EPS15L1: variants seen among roughly 807,000 people sequenced by gnomAD.
The protein encoded by EPS15L1 is epidermal growth factor receptor pathway substrate 15 like 1.
EPS15L1 carries 43 observed loss-of-function variants against 117.1 expected under a neutral mutation model. The ratio of observed to expected loss-of-function variants is 0.37; its 90% confidence interval spans 0.29 to 0.47. The LOEUF is 0.47. Among genes scored for constraint, EPS15L1 ranks in the 20% least tolerant of loss-of-function variants. The probability of loss-of-function intolerance (pLI) is 0.99; values close to 1 mark genes in which losing one functional copy is unlikely to be tolerated. For synonymous variants in EPS15L1, 459 were observed against 470.5 expected (o/e 0.98, Z 0.32); for missense variants, 981 against 1,164.0 (o/e 0.84, Z 2.29).
chr19:16,455,797 C>G (rs1055104893), intron 1 of EPS15L1, among the ~76,000 whole-genome samples: 1 of 152,172 alleles, frequency 6.6e-6, no homozygotes, highest in African/African-American at 2.4e-5. Flanking sequence ...TGGTATCCTC[C>G]TCATCGCCCT....
In EPS15L1 at chr19:16,361,131, G is replaced by A. The variant is rs973191557; in HGVS notation, c.2586+648C>T. On this transcript the variant is annotated intron_variant, in intron 23 of 23. Transcript: ENST00000455140. ...CCAGGCTTTCGAAATCCCGAGATTT[G>A]CTTCCGAAAAGGCACTTAACTTTGC... Among the ~76,000 whole-genome samples, 5 of 152,100 alleles carry A rather than the reference G, an allele frequency of 3.3e-5. No homozygotes were observed. The South Asian group carries it at 1.0e-3, about 32-fold the overall frequency.
intron 8 of EPS15L1, among the ~76,000 whole-genome samples, chr19:16,427,717 C>A (rs2092885855): frequency 6.6e-6 from 1 of 151,522 alleles, no homozygotes; most frequent in African/African-American, 2.4e-5. Context: ...TATGGTAAAA[C>A]CCCATCTCTA....
chr19:16,367,753 C>CAAAAA (rs60689307), intron 22 of EPS15L1, among the ~76,000 whole-genome samples: 16 of 50,688 alleles, frequency 3.2e-4, no homozygotes, highest in East Asian at 5.3e-4. Flanking sequence ...GGGTGCAAAG[C>CAAAAA]AAAAAAAAAA....
intron 22 of EPS15L1, 83 bp downstream of exon 22, chr19:16,377,039 C>G: frequency 1.3e-6 from 2 of 1,488,302 alleles, no homozygotes; most frequent in Non-Finnish European, 9.0e-7. Context: ...TGCTGCTACT[C>G]TGGGCTGGTG....
At chr19:16,389,033 G>A (rs2092449982) in intron 19 of EPS15L1, among the ~76,000 whole-genome samples, 1 of 152,050 alleles carries the variant, frequency 6.6e-6, no homozygotes, top group Non-Finnish European at 1.5e-5. Context: ...CAGATCACTT[G>A]AGTTCAGTTC....
Position 16,471,825 on chromosome 19 carries a change from G to A in EPS15L1, c.33+88C>T. 2.8e-6 allele frequency: 2 copies of A among 711,634 alleles called. No homozygotes were observed. The highest frequency in any genetic ancestry group is 3.8e-6 in the Non-Finnish European group (2 of 524,686). The allele number at this position is 711,634 out of a possible 1,614,324, so 44.1% of individuals were successfully genotyped here. On this transcript the variant is annotated intron_variant, in intron 1 of 23. Coordinates refer to ENST00000455140, the MANE Select transcript of EPS15L1 (RefSeq NM_001258374.3). The surrounding 1 kb of genome is among the most constrained non-coding windows in gnomAD (Gnocchi z 4.8). The stretch of plus-strand genomic sequence containing the variant: ...CACGCGCCGCCCCCGCCGCCGCCTG[G>A]CTGAGTCTCCCAGCGCCTCAGCCTC...
chr19:16,433,918 G>A (rs192566140), intron 7 of EPS15L1, among the ~76,000 whole-genome samples: 14 of 152,114 alleles, frequency 9.2e-5, no homozygotes, highest in Admixed American at 3.3e-4. Context: ...AGCCGAGATC[G>A]TGCCACTGCA....
At chr19:16,394,341 C>A (rs1412934590) in intron 17 of EPS15L1, among the ~76,000 whole-genome samples, 1 of 133,184 alleles carries the variant, frequency 7.5e-6, no homozygotes, top group African/African-American at 2.7e-5. Context: ...CATCTGCCTG[C>A]CAGCTCCCTG....
intron 1 of EPS15L1, among the ~76,000 whole-genome samples, chr19:16,448,031 G>A (rs2145111066): frequency 6.6e-6 from 1 of 152,334 alleles, no homozygotes; most frequent in African/African-American, 2.4e-5. Flanking sequence ...GGGCACTGGA[G>A]CAATCGGCAT....
intron 13 of EPS15L1, chr19:16,413,103 A>T: frequency 1.5e-6 from 1 of 685,086 alleles, no homozygotes; most frequent in Non-Finnish European, 2.7e-6. Context: ...CAATGGCCAC[A>T]TCGGTCTGGG....
At chr19:16,419,985 G>T (rs1301248699) in intron 10 of EPS15L1, among the ~76,000 whole-genome samples, 1 of 152,234 alleles carries the variant, frequency 6.6e-6, no homozygotes. Context: ...CGGCCATCCG[G>T]CTCTGACACC....
Position 16,421,330 on chromosome 19 carries a change from T to C in EPS15L1, c.939A>G (p.Leu313=), listed in dbSNP as rs778769265. ...FMHSGLTQNL[L]AHIWALADTR... ...CTGTCCGGCCTTACCATATGTGTGC[T>C]AGAAGGTTCTGGGTGAGGCCCGAGT... Residue 313 remains leucine, a synonymous_variant, in exon 10 of 24, where the codon CTA becomes CTG. Transcript: ENST00000455140. 1.7e-5 allele frequency: 27 copies of C among 1,611,272 alleles called. 1 individual carries two copies. In the East Asian group the frequency reaches 5.4e-4, roughly 32 times the overall value.
intron 16 of EPS15L1, chr19:16,401,903 C>T: frequency 1.0e-6 from 1 of 994,732 alleles, no homozygotes. Context: ...CTTGTGGAAA[C>T]ACACATACAC....
In EPS15L1 at chr19:16,401,322, G is replaced by A. The variant is rs186800948; in HGVS notation, c.1791+999C>T. On this transcript the variant is annotated intron_variant, in intron 16 of 23. Transcript: ENST00000455140. ...ACTGAGGACTTGGCTGCTGAGAAAAGAAACACATCAAGCATTGAACATAAA... is the reference window on the plus strand; with the variant it reads ...ACTGAGGACTTGGCTGCTGAGAAAAAAAACACATCAAGCATTGAACATAAA... The A allele has an allele frequency of 4.0e-4, 396 of 984,954 alleles. 8 individuals carry two copies. In the East Asian group the frequency reaches 0.026, roughly 64 times the overall value. The allele number at this position is 984,954 out of a possible 1,614,324, so 61.0% of individuals were successfully genotyped here.
At chr19:16,426,710 T>G (rs1314021150) in intron 8 of EPS15L1, among the ~76,000 whole-genome samples, 1 of 152,104 alleles carries the variant, frequency 6.6e-6, no homozygotes, top group African/African-American at 2.4e-5. Context: ...GGAGGAACTG[T>G]TCTAGATCCC....
intron 22 of EPS15L1, among the ~76,000 whole-genome samples, chr19:16,366,085 T>C (rs1162706107): frequency 2.0e-5 from 3 of 152,174 alleles, no homozygotes; most frequent in Admixed American, 6.5e-5. Flanking sequence ...ATGGATCAAA[T>C]AGCAAGATTC....
At chr19:16,464,811 T>C (rs61537143) in intron 1 of EPS15L1, among the ~76,000 whole-genome samples, 21,913 of 151,972 alleles carry the variant, frequency 0.14, 1,698 homozygotes, top group Middle Eastern at 0.17. Flanking sequence ...CGGGTGGGCA[T>C]GGTGGCTCAC....
chr19:16,356,703 T>C (rs982692150), intron 23 of EPS15L1: 1 of 152,200 alleles, frequency 6.6e-6, no homozygotes, highest in African/African-American at 2.4e-5. Flanking sequence ...TTTTCTAAAA[T>C]GTTCAGTTAA....
rs1203516751 is a variant in EPS15L1, at chr19:16,361,953, G to A, written c.2412C>T (p.Ser804=). The change falls in exon 23 of 24, where the codon TCC becomes TCT. Residue 804 remains serine, a synonymous_variant. Transcript: ENST00000455140. Reference sequence around the variant, plus strand: ...GATCGGGGGCCTCGGGAAAGTCTGCGGAACCAAGCTGGCTTACAGGTGTAC... The same window carrying A: ...GATCGGGGGCCTCGGGAAAGTCTGCAGAACCAAGCTGGCTTACAGGTGTAC... ...GKSTPVSQLG[S]ADFPEAPDPF... The A allele has an allele frequency of 1.2e-6, 2 of 1,613,192 alleles. No individual in the cohort carries two copies. Among genetic ancestry groups the A allele is most frequent in the Non-Finnish European group, 8.5e-7 (1 of 1,179,632 alleles).
Sources: allele counts gnomAD v4.1 joint callset (sites outside exome capture counted in the v4.1 genomes callset), GRCh38; gene constraint gnomAD v4.1.1; non-coding constraint Gnocchi (gnomAD v3.1); transcripts MANE v1.5; gene names NCBI Gene and HGNC (gene_info 2026-07-23, HGNC 2026-07-21).